The following L2HGDH variants were observed in gnomAD, a reference collection of about 807,000 sequenced individuals.
The protein encoded by L2HGDH is L-2-hydroxyglutarate dehydrogenase, also known as L-2-hydroxyglutarate dehydrogenase, mitochondrial.
In L2HGDH, 34 loss-of-function variants were observed where a neutral mutation model predicts 51.5. The observed-to-expected ratio is 0.66, with a 90% CI of 0.50 to 0.88. The LOEUF (loss-of-function observed/expected upper bound fraction) is 0.88. Ranked by LOEUF, L2HGDH falls within the 40% of genes least tolerant of loss-of-function variation. The pLI, the probability that L2HGDH is intolerant of heterozygous loss-of-function variation, is 0.00. For synonymous variants in L2HGDH, 198 were observed against 197.9 expected (o/e 1.00, Z -0.01); for missense variants, 558 against 571.9 (o/e 0.98, Z 0.25).
chr14:50,253,336 G>GA (rs1888474381), intron 9 of L2HGDH, among the ~76,000 whole-genome samples: 1 of 151,820 alleles, frequency 6.6e-6, no homozygotes, highest in Non-Finnish European at 1.5e-5. Context: ...AACTCTATAG[G>GA]AAAAAAATTT....
At chr14:50,285,504 A>C (rs1368856555) in intron 4 of L2HGDH, among the ~76,000 whole-genome samples, 1 of 152,222 alleles carries the variant, frequency 6.6e-6, no homozygotes, top group Non-Finnish European at 1.5e-5. Context: ...TTCACATGCC[A>C]GTAACTCAAC....
At chr14:50,277,823 A>ATC (rs1566520760) in intron 6 of L2HGDH, among the ~76,000 whole-genome samples, 10 of 120,102 alleles carry the variant, frequency 8.3e-5, no homozygotes, top group African/African-American at 3.2e-4. Context: ...TAATAATAAT[A>ATC]ATAATCTGGT....
At chr14:50,311,395 C>T (rs968116528) in intron 1 of L2HGDH, 1 of 455,928 alleles carries the variant, frequency 2.2e-6, no homozygotes, top group Non-Finnish European at 4.4e-6. Context: ...ATAGCCAAAA[C>T]CTCTCCAAGC....
intron 3 of L2HGDH, 97 bp downstream of exon 3, chr14:50,301,920 T>C (rs1475791930): frequency 1.6e-6 from 2 of 1,255,668 alleles, no homozygotes; most frequent in East Asian, 5.1e-5. Context: ...ATTACATAGA[T>C]ACAAAGAAAA....
At chr14:50,293,038 A>T (rs2029868213) in intron 4 of L2HGDH, among the ~76,000 whole-genome samples, 1 of 152,160 alleles carries the variant, frequency 6.6e-6, no homozygotes, top group African/African-American at 2.4e-5. Flanking sequence ...CAAACATTTT[A>T]AAATTAGCTG....
rs1050447462 is a variant in L2HGDH, at chr14:50,281,013, C to T, written c.704-2459G>A. On this transcript the variant is annotated intron_variant, in intron 5 of 9. Transcript: ENST00000267436. ...AAAATTTTTTGTAGAGGCAGGGTCTCGCTATGTTGCCCAGGCTGGTCTTAA... is the reference window on the plus strand; with the variant it reads ...AAAATTTTTTGTAGAGGCAGGGTCTTGCTATGTTGCCCAGGCTGGTCTTAA... Among the ~76,000 whole-genome samples, 5 of 152,206 alleles carry T rather than the reference C, an allele frequency of 3.3e-5. No individual in the cohort carries two copies. In the South Asian group the frequency reaches 6.2e-4, roughly 19 times the overall value.
At chr14:50,287,586 ATTC>A (rs992543034) in intron 4 of L2HGDH, among the ~76,000 whole-genome samples, 6 of 151,270 alleles carry the variant, frequency 4.0e-5, no homozygotes, top group Non-Finnish European at 8.8e-5. Context: ...CAATTCTTTC[ATTC>A]TTCAAGGTAA....
At chr14:50,302,881 C>T in intron 2 of L2HGDH, 21 bp downstream of exon 2, 3 of 1,509,316 alleles carry the variant, frequency 2.0e-6, no homozygotes, top group Non-Finnish European at 2.8e-6. Context: ...GCCCAAAGAA[C>T]AACATTGATT....
In L2HGDH at chr14:50,244,772, CAG is replaced by C. The variant is rs964363518; in HGVS notation, c.*2284_*2285del. On this transcript the variant is annotated 3_prime_UTR_variant, in exon 10 of 10. Transcript: ENST00000267436. ...TGAAGTGAGGGGAAAAGGAAGAAAA[CAG>C]AAACATTTTTCCTATCAACCAAAAT... The C allele has an allele frequency of 2.0e-5, 20 of 985,366 alleles. No individual in the cohort carries two copies. The Admixed American group carries it at 9.8e-4, about 48-fold the overall frequency. The allele number at this position is 985,366 out of a possible 1,614,324, so 61.0% of individuals were successfully genotyped here. A position where few individuals can be genotyped will look rare whatever the true frequency, so the allele number is the denominator to read the frequency against.
chr14:50,285,489 C>G (rs1424500214), intron 4 of L2HGDH, among the ~76,000 whole-genome samples: 1 of 152,184 alleles, frequency 6.6e-6, no homozygotes. Flanking sequence ...TAGTCATTGA[C>G]TAAATTCACA....
chr14:50,292,896 C>CA (rs1307797305), intron 4 of L2HGDH, among the ~76,000 whole-genome samples: 5 of 149,532 alleles, frequency 3.3e-5, no homozygotes, highest in Admixed American at 6.7e-5. Context: ...AAAAAAAAAA[C>CA]AAAACTACTA....
At chr14:50,290,623 G>A (rs1185743628) in intron 4 of L2HGDH, among the ~76,000 whole-genome samples, 2 of 152,040 alleles carry the variant, frequency 1.3e-5, no homozygotes, top group Non-Finnish European at 2.9e-5. Context: ...GAATATTTGC[G>A]GTTGTATTTC....
In L2HGDH at chr14:50,294,223, T is replaced by C. The variant is rs917368719; in HGVS notation, c.432A>G (p.Glu144=). The C allele has an allele frequency of 1.2e-6, 2 of 1,613,646 alleles. No homozygotes were observed. Among genetic ancestry groups the C allele is most frequent in the Non-Finnish European group, 1.7e-6 (2 of 1,179,896 alleles). ...CGKLIVAVEQ[E]EIPRLQALYE... is the part of the protein sequence containing the mutation. ...ATAGGGCCTGAAGTCTGGGAATTTC[T>C]TCTTGTTCAACAGCTACTATAAGCT... is the stretch of plus-strand genomic sequence containing the variant. Residue 144 remains glutamate, a synonymous_variant, in exon 4 of 10, where the codon GAA becomes GAG. Coordinates refer to ENST00000267436, the MANE Select transcript of L2HGDH (RefSeq NM_024884.3).
In L2HGDH at chr14:50,245,485, GT is replaced by G; in HGVS notation, c.*1572del. 1 of 981,936 alleles carries G rather than the reference GT, an allele frequency of 1.0e-6. No homozygotes were observed. Among genetic ancestry groups the G allele is most frequent in the Non-Finnish European group, 1.2e-6 (1 of 826,824 alleles). 60.8% of individuals were successfully genotyped at this position (981,936 alleles called of 1,614,324 possible). A position where few individuals can be genotyped will look rare whatever the true frequency, so the allele number is the denominator to read the frequency against. ...TGGAAATAATAAAGGCTTTGAGTTT[GT>G]TTTGTTATTTCCTACAAATATTATA... On this transcript the variant is annotated 3_prime_UTR_variant, in exon 10 of 10. Transcript: ENST00000267436.
intron 3 of L2HGDH, among the ~76,000 whole-genome samples, 173 bp downstream of exon 3, chr14:50,301,844 T>C (rs1327143221): frequency 6.6e-6 from 1 of 152,212 alleles, no homozygotes; most frequent in Non-Finnish European, 1.5e-5. Context: ...ATAAAACTTT[T>C]ATTTAGAAAA....
intron 1 of L2HGDH, among the ~76,000 whole-genome samples, chr14:50,307,940 A>G (rs1475757261): frequency 6.6e-6 from 1 of 152,214 alleles, no homozygotes; most frequent in Non-Finnish European, 1.5e-5. Context: ...AAAAGAAAAA[A>G]AACTGATAAA....
At chr14:50,308,801 T>C (rs1343183861) in intron 1 of L2HGDH, among the ~76,000 whole-genome samples, 1 of 152,216 alleles carries the variant, frequency 6.6e-6, no homozygotes, top group Non-Finnish European at 1.5e-5. Context: ...TACAAAAACC[T>C]GAACATGAAT....
chr14:50,303,805 C>T (rs1440870713), intron 1 of L2HGDH, among the ~76,000 whole-genome samples: 13 of 110,646 alleles, frequency 1.2e-4, no homozygotes, highest in African/African-American at 3.9e-4. Flanking sequence ...AAAAGTTAGA[C>T]GCATTAAAAA....
chr14:50,302,168 G>T lies in L2HGDH; in HGVS notation c.257C>A (p.Ala86Asp). The change falls in exon 3 of 10, where the codon GCT becomes GAT. Residue 86 changes from alanine (A) to aspartate (D), a missense_variant and splice_region_variant. Coordinates refer to ENST00000267436, the MANE Select transcript of L2HGDH (RefSeq NM_024884.3). Reference protein sequence around the residue: ...IGVLEKEKDLAVHQTGHNSGV... With the variant: ...IGVLEKEKDLDVHQTGHNSGV... ...ACTGTTATGTCCAGTCTGGTGAACA[G>T]CTACAGAACAAGAGAAACAGGGTAA... 6.2e-7 allele frequency: 1 copy of T among 1,613,922 alleles called. No homozygotes were observed. The highest frequency in any genetic ancestry group is 8.5e-7 in the Non-Finnish European group (1 of 1,179,846).
Sources: allele counts gnomAD v4.1 joint callset (sites outside exome capture counted in the v4.1 genomes callset), GRCh38; gene constraint gnomAD v4.1.1; transcripts MANE v1.5; gene names NCBI Gene and HGNC (gene_info 2026-07-23, HGNC 2026-07-21).